The following ERICH3 variants were observed in gnomAD, a reference collection of about 807,000 sequenced individuals.
ERICH3 encodes glutamate rich 3, also known as glutamate-rich protein 3.
Under a neutral mutation model 131.1 loss-of-function variants are expected in ERICH3, and 126 were observed. The ratio of observed to expected loss-of-function variants is 0.96; its 90% CI spans 0.83 to 1.11. ERICH3 has a LOEUF of 1.11. Ranked by LOEUF, ERICH3 falls within the 50% of genes most tolerant of loss-of-function variation. The probability of loss-of-function intolerance (pLI) is 0.00; values close to 1 mark genes in which losing one functional copy is unlikely to be tolerated. For missense variants in ERICH3, 2,050 were observed against 1,810.7 expected, an observed-to-expected ratio of 1.13 and a Z score of -2.40; for synonymous variants, 695 against 644.6, an observed-to-expected ratio of 1.08 and a Z score of -1.18.
chr1:74,650,402 T>C (rs142404286), intron 1 of ERICH3, among the ~76,000 whole-genome samples: 17 of 152,304 alleles, frequency 1.1e-4, no homozygotes, highest in African/African-American at 4.1e-4. Flanking sequence ...TACAAAAACA[T>C]GCACGCACAT....
chr1:74,632,039 A>G (rs1473724016), intron 6 of ERICH3, 111 bp from the exon 7 acceptor site: 2 of 932,652 alleles, frequency 2.1e-6, no homozygotes, highest in East Asian at 2.5e-5. Flanking sequence ...AACACAACTG[A>G]TATCAATAGA....
chr1:74,600,818 C>T (rs1216226031), intron 10 of ERICH3, among the ~76,000 whole-genome samples: 1 of 151,638 alleles, frequency 6.6e-6, no homozygotes, highest in East Asian at 1.9e-4. Context: ...AGCAAATAAA[C>T]AATTATCCTT....
rs1570855675 is a variant in ERICH3, at chr1:74,605,216, T to G, written c.1489+1385A>C. Among the ~76,000 whole-genome samples the G allele has an allele frequency of 3.9e-5, 6 of 152,066 alleles. No individual in the cohort carries two copies. The East Asian group carries it at 7.8e-4, about 20-fold the overall frequency. The stretch of plus-strand genomic sequence containing the variant: ...TTCTCCTGCACCTTCTTCACCTCTC[T>G]CAGCCTTCATAGAATTGAAGAGAAT... On this transcript the variant is annotated intron_variant, in intron 10 of 14. Transcript: ENST00000326665.
Position 74,618,993 on chromosome 1 carries a change from CA to C in ERICH3, c.1000+1740del, listed in dbSNP as rs1557686195. Among the ~76,000 whole-genome samples the C allele has an allele frequency of 2.6e-5, 4 of 152,306 alleles. No individual in the cohort carries two copies. In the South Asian group the frequency reaches 6.2e-4, roughly 24 times the overall value. ...CTAAATTGCTAAGATTGCTGAACCA[CA>C]AGTCAACTCTGAGCCACCCAACTTT... On this transcript the variant is annotated intron_variant, in intron 8 of 14. Transcript: ENST00000326665.
intron 1 of ERICH3, among the ~76,000 whole-genome samples, chr1:74,670,056 T>G (rs1646727142): frequency 6.6e-6 from 1 of 152,252 alleles, no homozygotes; most frequent in Non-Finnish European, 1.5e-5. Flanking sequence ...TCACTACTTT[T>G]ATTTGAGGAA....
chr1:74,576,367 T>C (rs1375845905), intron 13 of ERICH3, among the ~76,000 whole-genome samples: 1 of 152,216 alleles, frequency 6.6e-6, no homozygotes, highest in Non-Finnish European at 1.5e-5. Context: ...TGAGTTCCTC[T>C]AGTTGAATGC....
chr1:74,633,012 T>C (rs1481507995), intron 6 of ERICH3, among the ~76,000 whole-genome samples: 3 of 151,866 alleles, frequency 2.0e-5, no homozygotes, highest in Non-Finnish European at 4.4e-5. Flanking sequence ...TTTAAGTAGG[T>C]TTATCTATTT....
In ERICH3 at chr1:74,571,146, C is replaced by T. The variant is rs1456702675; in HGVS notation, c.4564G>A (p.Asp1522Asn). The change falls in exon 14 of 15, where the codon GAT (aspartate) becomes AAT (asparagine). Residue 1522 changes from aspartate (D) to asparagine (N), a missense_variant. Physicochemically the swap from Asp to Asn is conservative, Grantham distance 23 (BLOSUM62 1). Transcript: ENST00000326665. ...HMVQGESETA[D>N]VSPNNVQV ...ACCTGCACGTTGTTGGGGGAAACAT[C>T]TGCAGTCTCGCTTTCTCCTTGCACC... The T allele has an allele frequency of 1.2e-6, 2 of 1,613,832 alleles. No homozygotes were observed. The highest frequency in any genetic ancestry group is 1.3e-5 in the African/African-American group (1 of 74,922).
At chr1:74,662,703 C>T (rs1306847773) in intron 1 of ERICH3, among the ~76,000 whole-genome samples, 1 of 152,150 alleles carries the variant, frequency 6.6e-6, no homozygotes, top group East Asian at 1.9e-4. Context: ...GGCCAGCTTT[C>T]ACATGGTTTT....
At chr1:74,573,611 C>T in intron 13 of ERICH3, 120 bp from the exon 14 acceptor site, 1 of 1,175,830 alleles carries the variant, frequency 8.5e-7, no homozygotes, top group Non-Finnish European at 1.1e-6. Flanking sequence ...TATCAAGAGG[C>T]CATTGTATTA....
intron 7 of ERICH3, chr1:74,625,278 G>T (rs923733702): frequency 6.6e-6 from 1 of 151,816 alleles, no homozygotes; most frequent in African/African-American, 2.4e-5. Context: ...ATTAAGAAAG[G>T]GCCAACTAGT....
In ERICH3 at chr1:74,572,319, G is replaced by T. The variant is rs1646967136; in HGVS notation, c.3391C>A (p.Pro1131Thr). ...EMGSDAENEA[P>T]VEASELSDNP... ...TCAGACAACTCAGAAGCCTCCACAG[G>T]TGCTTCGTTCTCAGCATCAGATCCC... Residue 1131 changes from proline (P) to threonine (T), a missense_variant, in exon 14 of 15, where the codon CCT becomes ACT. Pro to Thr is a conservative substitution (Grantham distance 38, BLOSUM62 -1). Coordinates refer to ENST00000326665, the MANE Select transcript of ERICH3 (RefSeq NM_001002912.5). 6.2e-7 allele frequency: 1 copy of T among 1,613,862 alleles called. No homozygotes were observed. The highest frequency in any genetic ancestry group is 1.3e-5 in the African/African-American group (1 of 75,010).
At chr1:74,595,870 G>T (rs991488042) in intron 11 of ERICH3, among the ~76,000 whole-genome samples, 1 of 151,956 alleles carries the variant, frequency 6.6e-6, no homozygotes, top group South Asian at 2.1e-4. Flanking sequence ...GATTGACCAC[G>T]CAAAAAATCA....
chr1:74,646,572 T>C, intron 3 of ERICH3, 95 bp downstream of exon 3: 1 of 784,240 alleles, frequency 1.3e-6, no homozygotes, highest in East Asian at 3.5e-5. Context: ...ACAAAATCAA[T>C]TACAAAGAAA....
At chr1:74,630,318 C>A (rs1006158344) in intron 7 of ERICH3, among the ~76,000 whole-genome samples, 1 of 152,150 alleles carries the variant, frequency 6.6e-6, no homozygotes, top group Non-Finnish European at 1.5e-5. Context: ...ATATTCGCTG[C>A]CCTTTTCTGT....
At chr1:74,639,726 T>C (rs1193068913) in intron 5 of ERICH3, among the ~76,000 whole-genome samples, 3 of 152,158 alleles carry the variant, frequency 2.0e-5, no homozygotes, top group Non-Finnish European at 2.9e-5. Flanking sequence ...AAAATCTGTA[T>C]ACTATTTTGA....
chr1:74,578,787 C>CTTG (rs1647122959), intron 12 of ERICH3, among the ~76,000 whole-genome samples: 3 of 151,954 alleles, frequency 2.0e-5, no homozygotes, highest in Admixed American at 6.6e-5. Context: ...AACTGGAATG[C>CTTG]AGTTTCTTGC....
At chr1:74,574,937 T>C (rs1647023834) in intron 13 of ERICH3, among the ~76,000 whole-genome samples, 1 of 151,914 alleles carries the variant, frequency 6.6e-6, no homozygotes, top group Non-Finnish European at 1.5e-5. Context: ...AAAAAATCAC[T>C]GGACTAGATT....
chr1:74,644,133 C>G (rs1266933984), intron 3 of ERICH3, among the ~76,000 whole-genome samples: 1 of 151,814 alleles, frequency 6.6e-6, no homozygotes, highest in Non-Finnish European at 1.5e-5. Context: ...AAAATGTTTC[C>G]CCTCTGTTCT....
Sources: allele counts gnomAD v4.1 joint callset (sites outside exome capture counted in the v4.1 genomes callset), GRCh38; gene constraint gnomAD v4.1.1; transcripts MANE v1.5; gene names NCBI Gene and HGNC (gene_info 2026-07-23, HGNC 2026-07-21).